The following TNKS1BP1 variants were observed in gnomAD, a reference collection of about 807,000 sequenced individuals.
TNKS1BP1 encodes CCR4-NOT transcription complex subunit 12, also known as 182 kDa tankyrase-1-binding protein.
Under a neutral mutation model 141.1 loss-of-function variants are expected in TNKS1BP1, and 48 were observed. The ratio of observed to expected loss-of-function variants is 0.34; its 90% CI spans 0.27 to 0.43. The LOEUF is 0.43. Among genes scored for constraint, TNKS1BP1 ranks in the 20% least tolerant of loss-of-function variants. The probability of loss-of-function intolerance (pLI) is 1.00; values close to 1 mark genes in which losing one functional copy is unlikely to be tolerated. For synonymous variants in TNKS1BP1, 875 were observed against 898.2 expected (o/e 0.97, Z 0.46); for missense variants, 2,149 against 2,226.0 (o/e 0.97, Z 0.70).
chr11:57,307,664 A>C (rs1042256651), intron 6 of TNKS1BP1, among the ~76,000 whole-genome samples: 2 of 152,230 alleles, frequency 1.3e-5, no homozygotes, highest in Non-Finnish European at 2.9e-5. Context: ...AGGGAATAAA[A>C]GCGAATCTCA....
rs1020144684 is a variant in TNKS1BP1, at chr11:57,317,974, C to CT, written c.729-88dup. On this transcript the variant is annotated intron_variant, in intron 3 of 11. Coordinates refer to ENST00000358252, the MANE Select transcript of TNKS1BP1 (RefSeq NM_033396.3). ...AATGTGGGAGAGTCTCCCAGTGCAA[C>CT]TTTAACAGCACCCAAAGGTTAAACC... 6 of 1,271,532 alleles carry CT rather than the reference C, an allele frequency of 4.7e-6. No individual in the cohort carries two copies. The African/African-American group carries it at 8.8e-5, about 19-fold the overall frequency. The allele number at this position is 1,271,532 out of a possible 1,614,324, so 78.8% of individuals were successfully genotyped here. A position where few individuals can be genotyped will look rare whatever the true frequency, so the allele number is the denominator to read the frequency against.
In TNKS1BP1 at chr11:57,312,668, CG is replaced by C; in HGVS notation, c.2019del (p.Glu674SerfsTer34). ...GAGCTGCTTTCAGGGCCTGGAGGCT[CG>C]GGGGATGCCCTACACAAGTCTTGAG... ...TEAQDLCRAS[P>X]EPPGPESSSR... On this transcript the variant is annotated frameshift_variant, in exon 5 of 12. Transcript: ENST00000358252. LOFTEE classifies it high-confidence loss of function. 3.2e-6 allele frequency: 5 copies of C among 1,585,510 alleles called. No individual in the cohort carries two copies. The highest frequency in any genetic ancestry group is 2.3e-5 in the South Asian group (2 of 85,624).
At chr11:57,314,516 C>T (rs1332407984) in intron 4 of TNKS1BP1, among the ~76,000 whole-genome samples, 4 of 152,190 alleles carry the variant, frequency 2.6e-5, no homozygotes, top group Non-Finnish European at 2.9e-5. Flanking sequence ...TGTGCCCTCC[C>T]TCACATATGG....
chr11:57,314,960 C>T (rs1377103715), intron 4 of TNKS1BP1, among the ~76,000 whole-genome samples: 3 of 152,172 alleles, frequency 2.0e-5, no homozygotes, highest in Admixed American at 1.3e-4. Context: ...CCTTAAACTA[C>T]AGCACCCACA....
Position 57,320,022 on chromosome 11 carries a change from A to G in TNKS1BP1, c.728+57T>C, listed in dbSNP as rs1331059020. 2.2e-5 allele frequency: 25 copies of G among 1,118,730 alleles called. No individual in the cohort carries two copies. The Admixed American group carries it at 4.1e-4, about 18-fold the overall frequency. The allele number at this position is 1,118,730 out of a possible 1,614,324, so 69.3% of individuals were successfully genotyped here. ...GCACTTGGTCCCCAGCCCCCACCCA[A>G]TCCCACCCCACCTGACCTCCAGGCT... On this transcript the variant is annotated intron_variant, in intron 3 of 11. Coordinates refer to ENST00000358252, the MANE Select transcript of TNKS1BP1 (RefSeq NM_033396.3).
intron 4 of TNKS1BP1, among the ~76,000 whole-genome samples, chr11:57,316,405 T>C (rs1029353083): frequency 6.6e-6 from 1 of 152,134 alleles, no homozygotes; most frequent in Non-Finnish European, 1.5e-5. Flanking sequence ...CTCACTTCCC[T>C]TGAAGGCCAG....
At chr11:57,315,150 T>A (rs1855778904) in intron 4 of TNKS1BP1, among the ~76,000 whole-genome samples, 1 of 152,030 alleles carries the variant, frequency 6.6e-6, no homozygotes, top group Non-Finnish European at 1.5e-5. Flanking sequence ...CGACCCATCC[T>A]CTCAAGGTCA....
intron 2 of TNKS1BP1, 109 bp from the exon 3 acceptor site, chr11:57,320,821 C>T: frequency 7.6e-7 from 1 of 1,311,132 alleles, no homozygotes; most frequent in Non-Finnish European, 1.0e-6. Context: ...AGAATATTCA[C>T]ATCTTTCTAG....
rs763800007 is a variant in TNKS1BP1, at chr11:57,309,774, C to G, written c.2937G>C (p.Thr979=). The G allele has an allele frequency of 1.2e-6, 2 of 1,614,210 alleles. No homozygotes were observed. Among genetic ancestry groups the G allele is most frequent in the African/African-American group, 2.7e-5 (2 of 75,050 alleles). ...GGCTGAACCCAGAGCTCAGGGGTCT[C>G]GTTCCAAAGCTTCTGTCCTGGGCGT... is the stretch of plus-strand genomic sequence containing the variant. The part of the protein sequence containing the change: ...TLDAQDRSFG[T]RPLSSGFSPE... Residue 979 remains threonine (T), a synonymous_variant, in exon 6 of 12, where the codon ACG becomes ACC. Transcript: ENST00000358252. The surrounding 1 kb of genome is among the most constrained non-coding windows in gnomAD (Gnocchi z 4.3).
At chr11:57,300,830 T>C in intron 10 of TNKS1BP1, 54 bp downstream of exon 10, 1 of 1,574,452 alleles carries the variant, frequency 6.4e-7, no homozygotes, top group Non-Finnish European at 8.6e-7. Flanking sequence ...AGTTTCCCTT[T>C]TCATCAGGGT....
In TNKS1BP1 at chr11:57,313,617, A is replaced by G. The variant is rs1379444217; in HGVS notation, c.1071T>C (p.Pro357=). The change falls in exon 5 of 12, where the codon CCT becomes CCC. Residue 357 remains proline, a synonymous_variant. Coordinates refer to ENST00000358252, the MANE Select transcript of TNKS1BP1 (RefSeq NM_033396.3). ...TGGGGGCCTCTGGAGCCCCCTCGGC[A>G]GGGAGCCCCGGGCTGGGGGTGTGGC... ...GSRHTPSPGL[P]AEGAPEAPRP... is the part of the protein sequence containing the mutation. 1.3e-6 allele frequency: 2 copies of G among 1,593,602 alleles called. No homozygotes were observed. Among genetic ancestry groups the G allele is most frequent in the Non-Finnish European group, 1.7e-6 (2 of 1,170,136 alleles).
At chr11:57,322,364 T>C (rs1393330286) in intron 1 of TNKS1BP1, 3 of 973,108 alleles carry the variant, frequency 3.1e-6, no homozygotes, top group Non-Finnish European at 2.4e-6. Context: ...AACCCGCTCC[T>C]CCCCAACCTG....
In TNKS1BP1 at chr11:57,309,682, C is replaced by T. The variant is rs1410472604; in HGVS notation, c.3029G>A (p.Gly1010Glu). Residue 1010 changes from glycine to glutamate, a missense_variant, in exon 6 of 12, where the codon GGA (glycine) becomes GAA (glutamate). Physicochemically the swap from Gly to Glu is moderately conservative, Grantham distance 98. Transcript: ENST00000358252. This position sits in a 1 kb window ranked among gnomAD's most constrained non-coding sequence, Gnocchi z 4.3. ...CCGGCCAGCATCCCTGCTGCCCTCT[C>T]CAAGGCTGTCTTCCACACTTGGAAT... ...KKIPSVEDSL[G>E]EGSRDAGRPG... is the part of the protein sequence containing the mutation. 2.8e-5 allele frequency: 46 copies of T among 1,614,104 alleles called. No individual in the cohort carries two copies. Among genetic ancestry groups the T allele is most frequent in the Non-Finnish European group, 3.8e-5 (45 of 1,180,048 alleles).
intron 4 of TNKS1BP1, among the ~76,000 whole-genome samples, 155 bp from the exon 5 acceptor site, chr11:57,314,044 C>T (rs1158786382): frequency 5.3e-5 from 8 of 152,136 alleles, no homozygotes; most frequent in Admixed American, 1.3e-4. Flanking sequence ...CTGGGAGGGG[C>T]CCCACAGACG....
Position 57,319,632 on chromosome 11 carries a change from T to C in TNKS1BP1, c.728+447A>G, listed in dbSNP as rs1855850840. On this transcript the variant is annotated intron_variant, in intron 3 of 11. Transcript: ENST00000358252. The stretch of plus-strand genomic sequence containing the variant: ...ATACAAAAAAATTAGCTGGGCGTGG[T>C]GGCCCACGCCTGTAATCCCAGCTAC... 2.6e-5 allele frequency among the ~76,000 whole-genome samples: 4 copies of C among 152,050 alleles called. No individual in the cohort carries two copies. In the South Asian group the frequency reaches 8.3e-4, roughly 32 times the overall value.
intron 1 of TNKS1BP1, among the ~76,000 whole-genome samples, chr11:57,322,720 G>T (rs528632857): frequency 1.5e-4 from 23 of 152,322 alleles, no homozygotes; most frequent in Admixed American, 1.3e-3. Flanking sequence ...CCAGGCCTGG[G>T]CTGGGAGAAC....
In TNKS1BP1 at chr11:57,317,169, G is replaced by A. The variant is rs147973864; in HGVS notation, c.798+649C>T. Reference sequence around the variant, plus strand: ...CCTTCACAGCTATCTCCAACATCCAGCTCCTAACAGGCGCTCAGTCACTGC... The same window carrying A: ...CCTTCACAGCTATCTCCAACATCCAACTCCTAACAGGCGCTCAGTCACTGC... On this transcript the variant is annotated intron_variant, in intron 4 of 11. Coordinates refer to ENST00000358252, the MANE Select transcript of TNKS1BP1 (RefSeq NM_033396.3). Among the ~76,000 whole-genome samples the A allele has an allele frequency of 5.3e-5, 8 of 152,292 alleles. No homozygotes were observed. In the East Asian group the frequency reaches 1.4e-3, roughly 26 times the overall value.
Position 57,317,802 on chromosome 11 carries a change from C to G in TNKS1BP1, c.798+16G>C. On this transcript the variant is annotated intron_variant, in intron 4 of 11. Transcript: ENST00000358252. ...TAAAATACGTGATTCTGATTCATAA[C>G]TGGAGGATAACTCACATCAGCAGGT... The G allele has an allele frequency of 6.2e-7, 1 of 1,611,784 alleles. No individual in the cohort carries two copies. The highest frequency in any genetic ancestry group is 8.5e-7 in the Non-Finnish European group (1 of 1,178,026).
chr11:57,311,352 A>G, intron 5 of TNKS1BP1: 1 of 985,624 alleles, frequency 1.0e-6, no homozygotes, highest in Non-Finnish European at 1.2e-6. Context: ...CCCCATCCCC[A>G]GGCTGGGCCA....
Sources: allele counts gnomAD v4.1 joint callset (sites outside exome capture counted in the v4.1 genomes callset), GRCh38; gene constraint gnomAD v4.1.1; non-coding constraint Gnocchi (gnomAD v3.1); transcripts MANE v1.5; gene names NCBI Gene and HGNC (gene_info 2026-07-23, HGNC 2026-07-21).